Variants in DPP6 observed in about 807,000 individuals in gnomAD.
DPP6 encodes dipeptidyl peptidase like 6.
Under a neutral mutation model 122.6 loss-of-function variants are expected in DPP6, and 69 were observed. That is an observed-to-expected ratio of 0.56 (90% CI 0.46 to 0.69). DPP6 has a LOEUF of 0.69. Ranked by LOEUF, DPP6 falls within the 30% of genes least tolerant of loss-of-function variation. The pLI, the probability that DPP6 is intolerant of heterozygous loss-of-function variation, is 0.00. For missense variants in DPP6, 928 were observed against 1,116.9 expected (o/e 0.83, Z 2.41); for synonymous variants, 418 against 433.1 (o/e 0.97, Z 0.43).
chr7:154,110,076 A>C (rs1247532994), intron 1 of DPP6, among the ~76,000 whole-genome samples: 1 of 149,538 alleles, frequency 6.7e-6, no homozygotes, highest in East Asian at 2.0e-4. Context: ...ACACAAGTCA[A>C]GGTAAGAGGG....
intron 1 of DPP6, among the ~76,000 whole-genome samples, chr7:154,102,315 G>A (rs1282807085): frequency 2.0e-5 from 3 of 151,984 alleles, no homozygotes; most frequent in Non-Finnish European, 2.9e-5. Flanking sequence ...TCAGCCTCCT[G>A]AGTAGCTGGG....
chr7:153,961,348 T>C (rs564455621), intron 1 of DPP6, among the ~76,000 whole-genome samples: 1 of 53,934 alleles, frequency 1.9e-5, no homozygotes, highest in South Asian at 7.3e-4. Flanking sequence ...ATTTTTTTAT[T>C]TTATTTTTTT....
chr7:154,504,848 T>C (rs1402949568), intron 3 of DPP6, among the ~76,000 whole-genome samples: 10 of 152,116 alleles, frequency 6.6e-5, no homozygotes, highest in African/African-American at 2.4e-4. Context: ...TTTTGAAACT[T>C]GTCGTTTGTG....
At position 154,892,465 on chromosome 7, in the gene DPP6, CGAG is replaced by C; in HGVS notation, c.2592_2594del (p.Glu864del). ...TGCTGACAGTCACAGCGAAAGAGGA[CGAG>C]GAGGAGGACTAAGCTCAGGTCGCTC... On this transcript the variant is annotated inframe_deletion, in exon 26 of 26. Coordinates refer to ENST00000377770, the MANE Select transcript of DPP6 (RefSeq NM_130797.4). 6.2e-7 allele frequency: 1 copy of C among 1,613,880 alleles called. No individual in the cohort carries two copies. Among genetic ancestry groups the C allele is most frequent in the African/African-American group, 1.3e-5 (1 of 75,040 alleles).
intron 16 of DPP6, among the ~76,000 whole-genome samples, chr7:154,847,739 T>A (rs903015480): frequency 4.6e-5 from 7 of 152,200 alleles, no homozygotes; most frequent in Non-Finnish European, 8.8e-5. Flanking sequence ...AGAGTCACCA[T>A]GCTGTACAAT....
chr7:154,431,291 C>G (rs1167628508), intron 1 of DPP6, among the ~76,000 whole-genome samples: 2 of 151,982 alleles, frequency 1.3e-5, no homozygotes, highest in African/African-American at 4.8e-5. Flanking sequence ...AAGCCTAGAC[C>G]CACCCTGCTT....
At chr7:154,563,815 G>C (rs1830575951) in intron 4 of DPP6, among the ~76,000 whole-genome samples, 2 of 152,132 alleles carry the variant, frequency 1.3e-5, no homozygotes, top group South Asian at 4.2e-4. Flanking sequence ...GAGGCAGTTG[G>C]CCAGACAAGC....
intron 7 of DPP6, among the ~76,000 whole-genome samples, chr7:154,687,863 G>A (rs114287400): frequency 1.1e-3 from 172 of 152,236 alleles, no homozygotes; most frequent in African/African-American, 4.0e-3. Flanking sequence ...AGGGTGTGAC[G>A]CATGCTTACA....
intron 6 of DPP6, among the ~76,000 whole-genome samples, chr7:154,640,662 C>T (rs773705853): frequency 1.3e-5 from 2 of 152,266 alleles, no homozygotes; most frequent in Non-Finnish European, 1.5e-5. Flanking sequence ...CACCGGTGTG[C>T]GTGCTCCACC....
intron 3 of DPP6, among the ~76,000 whole-genome samples, chr7:154,480,757 C>T (rs1350344923): frequency 6.6e-6 from 1 of 152,078 alleles, no homozygotes; most frequent in Admixed American, 6.6e-5. Flanking sequence ...TCAATTTTAA[C>T]CTTAATATCT....
Position 153,973,473 on chromosome 7 carries a change from A to G in DPP6, c.51+85739A>G, listed in dbSNP as rs554196051. On this transcript the variant is annotated intron_variant, in intron 1 of 25. Transcript: ENST00000404039. ...GGTCCCGTGGGCAAGATTGGGGAGG[A>G]ATTCCTGGGCAGTCTTCATCCATTT... 2.0e-5 allele frequency among the ~76,000 whole-genome samples: 3 copies of G among 152,220 alleles called. No individual in the cohort carries two copies. In the East Asian group the frequency reaches 5.8e-4, roughly 29 times the overall value.
chr7:153,759,323 CTT>C, the DPP6 span, among the ~76,000 whole-genome samples: 5 of 143,384 alleles, frequency 3.5e-5, no homozygotes, highest in Admixed American at 7.0e-5. Flanking sequence ...ATAAATAAAT[CTT>C]TTTTTTTTTT....
chr7:154,016,084 G>A lies in DPP6; in HGVS notation c.51+128350G>A, dbSNP rs143321621. Reference sequence around the variant, plus strand: ...ATCAGTGCCTTTGCTCCTCTGCCCCGAAGGCTCTCTCATAGATCTTCCCGC... The same window carrying A: ...ATCAGTGCCTTTGCTCCTCTGCCCCAAAGGCTCTCTCATAGATCTTCCCGC... On this transcript the variant is annotated intron_variant, in intron 1 of 25. Transcript: ENST00000404039. Among the ~76,000 whole-genome samples the A allele has an allele frequency of 6.2e-3, 939 of 152,072 alleles. 13 individuals carry two copies. Among genetic ancestry groups the A allele is most frequent in the African/African-American group, 0.022 (902 of 41,446 alleles).
chr7:154,333,263 T>TA (rs1371243683), intron 1 of DPP6, among the ~76,000 whole-genome samples: 3 of 152,188 alleles, frequency 2.0e-5, no homozygotes, highest in African/African-American at 4.8e-5. Context: ...CTTTTTTTTT[T>TA]AAATTGAGTG....
chr7:153,783,267 G>T, the DPP6 span, among the ~76,000 whole-genome samples: 1 of 152,182 alleles, frequency 6.6e-6, no homozygotes, highest in African/African-American at 2.4e-5. Context: ...CCACATGGCT[G>T]GGGAGGTCCC....
chr7:154,814,982 C>T (rs1799321868), intron 16 of DPP6, among the ~76,000 whole-genome samples: 2 of 152,154 alleles, frequency 1.3e-5, no homozygotes, highest in South Asian at 4.1e-4. Flanking sequence ...AATAAGGTCA[C>T]ATTCACAGGA....
intron 1 of DPP6, among the ~76,000 whole-genome samples, chr7:154,359,653 G>T (rs1356594074): frequency 6.6e-6 from 1 of 152,020 alleles, no homozygotes; most frequent in Admixed American, 6.6e-5. Flanking sequence ...ACAATGTCTG[G>T]CATGGTGAGC....
chr7:154,450,205 G>A (rs1820243041), intron 2 of DPP6, among the ~76,000 whole-genome samples: 1 of 152,118 alleles, frequency 6.6e-6, no homozygotes, highest in African/African-American at 2.4e-5. Flanking sequence ...TTTCAGAATA[G>A]GCAGATCCCT....
chr7:154,762,623 C>T (rs1795628506), intron 8 of DPP6, among the ~76,000 whole-genome samples: 2 of 152,192 alleles, frequency 1.3e-5, no homozygotes, highest in Admixed American at 6.5e-5. Flanking sequence ...TGGGAAAGAC[C>T]ACAAAATAGT....
Sources: allele counts gnomAD v4.1 joint callset (sites outside exome capture counted in the v4.1 genomes callset), GRCh38; gene constraint gnomAD v4.1.1; transcripts MANE v1.5; gene names NCBI Gene and HGNC (gene_info 2026-07-23, HGNC 2026-07-21).